TLL1: variants seen among roughly 807,000 people sequenced by gnomAD.
The protein encoded by TLL1 is tolloid like 1, also known as tolloid-like protein 1.
Under a neutral mutation model 128.2 loss-of-function variants are expected in TLL1, and 49 were observed. The observed-to-expected ratio is 0.38, with a 90% CI of 0.30 to 0.48. TLL1 has a LOEUF of 0.48. Among genes scored for constraint, TLL1 ranks in the 20% least tolerant of loss-of-function variants. TLL1 has a pLI of 0.96. For synonymous variants in TLL1, 454 were observed against 418.8 expected, an observed-to-expected ratio of 1.08 and a Z score of -1.03; for missense variants, 1,123 against 1,242.0, an observed-to-expected ratio of 0.90 and a Z score of 1.44.
rs367898257 is a variant in TLL1, at chr4:165,996,751, T to C, written c.632+1573T>C. Among the ~76,000 whole-genome samples, 20 of 151,954 alleles carry C rather than the reference T, an allele frequency of 1.3e-4. No homozygotes were observed. The South Asian group carries it at 3.7e-3, about 28-fold the overall frequency. On this transcript the variant is annotated intron_variant, in intron 5 of 20. Coordinates refer to ENST00000061240, the MANE Select transcript of TLL1 (RefSeq NM_012464.5). Reference sequence around the variant, plus strand: ...TATTTAAGGACATGTATTTCAATTATTTTAGAAATGTGAAAACTAAATGTA... The same window carrying C: ...TATTTAAGGACATGTATTTCAATTACTTTAGAAATGTGAAAACTAAATGTA...
intron 1 of TLL1, among the ~76,000 whole-genome samples, chr4:165,967,660 T>A (rs753013065): frequency 6.0e-4 from 92 of 152,098 alleles, no homozygotes; most frequent in Non-Finnish European, 9.8e-4. Context: ...GAGGCCAATA[T>A]GAAAGCTACT....
intron 1 of TLL1, among the ~76,000 whole-genome samples, chr4:165,878,399 C>T (rs972001951): frequency 4.0e-5 from 6 of 151,592 alleles, no homozygotes; most frequent in Non-Finnish European, 5.9e-5. Context: ...TGGGTGCCAA[C>T]TCAGAAGTCG....
At chr4:166,006,329 T>G (rs1256210731) in intron 6 of TLL1, among the ~76,000 whole-genome samples, 7 of 151,840 alleles carry the variant, frequency 4.6e-5, no homozygotes, top group Admixed American at 4.6e-4. Flanking sequence ...TTCTGTTATT[T>G]GGGCTGTGTA....
intron 18 of TLL1, among the ~76,000 whole-genome samples, chr4:166,087,477 C>T (rs573308361): frequency 3.2e-4 from 48 of 152,182 alleles, no homozygotes; most frequent in Non-Finnish European, 5.3e-4. Context: ...TTGTGGGAAA[C>T]CAAATGCCAG....
intron 5 of TLL1, among the ~76,000 whole-genome samples, chr4:165,998,364 T>G (rs28498190): frequency 2.0e-5 from 3 of 152,172 alleles, no homozygotes; most frequent in Non-Finnish European, 4.4e-5. Flanking sequence ...TTACTTTTTT[T>G]AATCTACTTA....
Position 166,074,892 on chromosome 4 carries a change from T to C in TLL1, c.2203T>C (p.Ser735Pro). 1 of 1,613,522 alleles carries C rather than the reference T, an allele frequency of 6.2e-7. No homozygotes were observed. The highest frequency in any genetic ancestry group is 1.3e-5 in the African/African-American group (1 of 75,024). ...AHFFSDKDEC[S>P]KDNGGCQHEC... ...CTCTTTGCTAGACAAAGATGAATGC[T>C]CTAAGGATAATGGTGGATGTCAGCA... Residue 735 changes from serine (S) to proline (P), a missense_variant, in exon 17 of 21, where the codon TCT becomes CCT. Ser to Pro is a moderately conservative substitution (Grantham distance 74, BLOSUM62 -1). Transcript: ENST00000061240.
chr4:165,977,954 G>T (rs565008050), intron 1 of TLL1, among the ~76,000 whole-genome samples: 1 of 152,030 alleles, frequency 6.6e-6, no homozygotes, highest in Admixed American at 6.6e-5. Flanking sequence ...TGTATTTTTA[G>T]TGTTACTATG....
intron 7 of TLL1, among the ~76,000 whole-genome samples, chr4:166,013,897 T>G (rs1023111980): frequency 7.1e-6 from 1 of 140,572 alleles, no homozygotes; most frequent in Non-Finnish European, 1.5e-5. Context: ...GCATTCTTTG[T>G]TTTTTTTTAT....
chr4:166,060,016 C>A lies in TLL1; in HGVS notation c.1847-12C>A, dbSNP rs746768579. 4 of 1,613,202 alleles carry A rather than the reference C, an allele frequency of 2.5e-6. No individual in the cohort carries two copies. The highest frequency in any genetic ancestry group is 3.4e-6 in the Non-Finnish European group (4 of 1,179,634). The stretch of plus-strand genomic sequence containing the variant: ...TGGGGAGAATATACCTTTTTCTTTT[C>A]TTTTCTTCTAGCTGCTTGTGGTGGA... On this transcript the variant is annotated splice_polypyrimidine_tract_variant and intron_variant, in intron 14 of 20. Coordinates refer to ENST00000061240, the MANE Select transcript of TLL1 (RefSeq NM_012464.5).
intron 1 of TLL1, among the ~76,000 whole-genome samples, chr4:165,939,019 T>TTA (rs1554008604): frequency 1.3e-4 from 19 of 151,828 alleles, no homozygotes; most frequent in African/African-American, 4.6e-4. Flanking sequence ...CTTTTTTTTT[T>TTA]AAAGTTGAAT....
intron 1 of TLL1, among the ~76,000 whole-genome samples, chr4:165,895,171 T>A (rs1432222976): frequency 6.6e-6 from 1 of 152,042 alleles, no homozygotes; most frequent in Non-Finnish European, 1.5e-5. Context: ...AAGCCAAGAA[T>A]AAGAAATCAA....
chr4:166,096,291 A>G (rs577810480), intron 19 of TLL1, among the ~76,000 whole-genome samples: 5 of 151,876 alleles, frequency 3.3e-5, no homozygotes, highest in South Asian at 2.1e-4. Flanking sequence ...GCGGTGATCC[A>G]TAGGAATGAG....
In TLL1 at chr4:165,979,158, C is replaced by T. The variant is rs141246088; in HGVS notation, c.170-10223C>T. On this transcript the variant is annotated intron_variant, in intron 1 of 20. Transcript: ENST00000061240. ...AATTTCTAAAAAAGGTGTATACATG[C>T]ATATCCTATGACCCACTGATTGACT... Among the ~76,000 whole-genome samples the T allele has an allele frequency of 7.0e-4, 107 of 152,208 alleles. 1 individual carries two copies. The highest frequency in any genetic ancestry group is 9.1e-4 in the Non-Finnish European group (62 of 68,018).
intron 8 of TLL1, among the ~76,000 whole-genome samples, chr4:166,024,556 C>T (rs1738402678): frequency 6.6e-6 from 1 of 151,966 alleles, no homozygotes. Context: ...ACAGGGAAGC[C>T]CGTTGTAGAA....
chr4:166,001,355 A>G (rs1737143587), intron 5 of TLL1, among the ~76,000 whole-genome samples: 1 of 152,124 alleles, frequency 6.6e-6, no homozygotes, highest in African/African-American at 2.4e-5. Flanking sequence ...TTTAAAATTT[A>G]TTTTAAAGTG....
chr4:166,036,303 C>A (rs1472832741), intron 9 of TLL1, among the ~76,000 whole-genome samples: 2 of 152,166 alleles, frequency 1.3e-5, no homozygotes, highest in African/African-American at 2.4e-5. Context: ...GCAGTGACAT[C>A]TATTCAACGT....
At chr4:165,991,223 T>C (rs1736624008) in intron 2 of TLL1, among the ~76,000 whole-genome samples, 1 of 151,940 alleles carries the variant, frequency 6.6e-6, no homozygotes, top group Non-Finnish European at 1.5e-5. Context: ...CCATAATAAT[T>C]GGAAGAAAAA....
intron 18 of TLL1, among the ~76,000 whole-genome samples, chr4:166,087,438 T>C (rs1235462087): frequency 6.6e-6 from 1 of 152,162 alleles, no homozygotes; most frequent in Non-Finnish European, 1.5e-5. Context: ...CGCCATTTTT[T>C]TCCAGTGGCC....
At chr4:166,090,919 A>G (rs952445703) in intron 18 of TLL1, among the ~76,000 whole-genome samples, 3 of 152,064 alleles carry the variant, frequency 2.0e-5, no homozygotes, top group Non-Finnish European at 2.9e-5. Flanking sequence ...GTGGAATTTC[A>G]TATGAAGTTA....
Sources: gnomAD v4.1 joint callset for allele counts (sites outside exome capture counted in the v4.1 genomes callset) on GRCh38, gnomAD v4.1.1 for gene constraint, MANE v1.5 for transcripts, NCBI Gene and HGNC (gene_info 2026-07-23, HGNC 2026-07-21) for gene names.